The following LTV1 variants were observed in gnomAD, a reference collection of about 807,000 sequenced individuals.
The protein encoded by LTV1 is protein LTV1 homolog.
A neutral mutation model predicts 59.9 loss-of-function variants in LTV1; 39 were observed. The observed-to-expected ratio is 0.65, with a 90% CI of 0.50 to 0.85. The LOEUF is 0.85. Ranked by LOEUF, LTV1 falls within the 40% of genes least tolerant of loss-of-function variation. The pLI is 0.00. For missense variants in LTV1, 493 were observed against 549.1 expected, an observed-to-expected ratio of 0.90 and a Z score of 1.02; for synonymous variants, 171 against 189.5, an observed-to-expected ratio of 0.90 and a Z score of 0.80.
chr6:143,860,371 A>C, intron 6 of LTV1, 55 bp from the exon 7 acceptor site: 1 of 1,536,874 alleles, frequency 6.5e-7, no homozygotes, highest in East Asian at 2.3e-5. Flanking sequence ...TTAAGTGTGT[A>C]GTCTTACTGA....
At chr6:143,854,806 A>C (rs950877417) in intron 4 of LTV1, among the ~76,000 whole-genome samples, 57 of 152,174 alleles carry the variant, frequency 3.7e-4, no homozygotes, top group African/African-American at 1.4e-3. Context: ...GTGTGGTCTG[A>C]GAGACTGTTT....
intron 3 of LTV1, among the ~76,000 whole-genome samples, chr6:143,847,701 AAGC>A (rs1776916430): frequency 6.6e-6 from 1 of 152,180 alleles, no homozygotes; most frequent in Admixed American, 6.5e-5. Context: ...TTTTGAGTAA[AAGC>A]AATCACTAAT....
At chr6:143,850,943 G>A (rs1339571316) in intron 4 of LTV1, among the ~76,000 whole-genome samples, 1 of 151,998 alleles carries the variant, frequency 6.6e-6, no homozygotes, top group East Asian at 1.9e-4. Context: ...ACCAAACCCA[G>A]CATCACAGGG....
intron 7 of LTV1, among the ~76,000 whole-genome samples, chr6:143,861,141 C>G (rs1311858198): frequency 6.6e-6 from 1 of 152,164 alleles, no homozygotes; most frequent in East Asian, 1.9e-4. Context: ...ATGTAATATG[C>G]CTGCCTCGGT....
rs768774063 is a variant in LTV1 at position 143,860,565 on chromosome 6, T to C, written c.923+12T>C. ...GAGAAGGCAGAGAAGTATAGTGACT[T>C]TTCCTTCCTTGTTTAGCTGTTCTTT... is the stretch of plus-strand genomic sequence containing the variant. On this transcript the variant is annotated intron_variant, in intron 7 of 10. Transcript: ENST00000367576. The C allele has an allele frequency of 6.3e-7, 1 of 1,592,834 alleles. No individual in the cohort carries two copies. The highest frequency in any genetic ancestry group is 2.2e-5 in the East Asian group (1 of 44,578).
chr6:143,847,703 G>T (rs1776916462), intron 3 of LTV1, among the ~76,000 whole-genome samples: 1 of 152,196 alleles, frequency 6.6e-6, no homozygotes, highest in Non-Finnish European at 1.5e-5. Context: ...TTGAGTAAAA[G>T]CAATCACTAA....
At chr6:143,854,493 G>T (rs62427456) in intron 4 of LTV1, among the ~76,000 whole-genome samples, 1 of 151,934 alleles carries the variant, frequency 6.6e-6, no homozygotes. Flanking sequence ...TCTAGGTTTT[G>T]AATTTGTTTG....
Position 143,860,441 on chromosome 6 carries a change from G to A in LTV1, c.811G>A (p.Asp271Asn), listed in dbSNP as rs757304900. ...TATATTCAAGTTTTATGAGCAATATGATGATGATGAAATTGGAGCTCTGGA... is the reference window on the plus strand; with the variant it reads ...TATATTCAAGTTTTATGAGCAATATAATGATGATGAAATTGGAGCTCTGGA... ...ERFEKFYEQY[D>N]DDEIGALDNA... is the part of the protein sequence containing the mutation. The change falls in exon 7 of 11, where the codon GAT becomes AAT. Residue 271 changes from aspartate to asparagine, a missense_variant. Asp to Asn is a conservative substitution (Grantham distance 23). Transcript: ENST00000367576. The A allele has an allele frequency of 1.2e-6, 2 of 1,611,442 alleles. No individual in the cohort carries two copies. Among genetic ancestry groups the A allele is most frequent in the Non-Finnish European group, 1.7e-6 (2 of 1,178,326 alleles).
At chr6:143,858,570 C>G (rs759116384) in intron 6 of LTV1, 2 of 154,492 alleles carry the variant, frequency 1.3e-5, no homozygotes, top group Non-Finnish European at 2.9e-5. Flanking sequence ...AAAATGGTGT[C>G]TTGGCATGTA....
Position 143,857,442 on chromosome 6 carries a change from A to G in LTV1, c.537A>G (p.Ile179Met), listed in dbSNP as rs765911832. Residue 179 changes from isoleucine (I) to methionine (M), a missense_variant and splice_region_variant, in exon 5 of 11, where the codon ATA (isoleucine) becomes ATG (methionine). By Grantham distance (10) the Ile-to-Met change is conservative. Coordinates refer to ENST00000367576, the MANE Select transcript of LTV1 (RefSeq NM_032860.5). The surrounding 1 kb of genome is among the most constrained non-coding windows in gnomAD (Gnocchi z 5.2). Reference protein sequence around the residue: ...KATGEEEGMDIQKSENEDDSE... With the variant: ...KATGEEEGMDMQKSENEDDSE... Reference sequence around the variant, plus strand: ...CAGGAGAGGAAGAGGGAATGGATATACAGTATGTGTGGTTTGTTTCAAAGC... The same window carrying G: ...CAGGAGAGGAAGAGGGAATGGATATGCAGTATGTGTGGTTTGTTTCAAAGC... The G allele has an allele frequency of 6.3e-5, 102 of 1,613,052 alleles. 1 individual carries two copies. The highest frequency in any genetic ancestry group is 8.7e-5 in the Non-Finnish European group (102 of 1,179,178).
Position 143,862,130 on chromosome 6 carries a change from C to T in LTV1, c.950C>T (p.Pro317Leu), listed in dbSNP as rs1284205619. 2 of 1,613,932 alleles carry T rather than the reference C, an allele frequency of 1.2e-6. No homozygotes were observed. Among genetic ancestry groups the T allele is most frequent in the East Asian group, 2.2e-5 (1 of 44,866 alleles). The change falls in exon 8 of 11, where the codon CCC becomes CTC. Residue 317 changes from proline (P) to leucine (L), a missense_variant. Physicochemically the swap from Pro to Leu is moderately conservative, Grantham distance 98. Coordinates refer to ENST00000367576, the MANE Select transcript of LTV1 (RefSeq NM_032860.5). This position sits in a 1 kb window ranked among gnomAD's most constrained non-coding sequence, Gnocchi z 4.2. The stretch of plus-strand genomic sequence containing the variant: ...TGTGTAAAATTGAATACCCTTGAAC[C>T]CTTGGAGGATCAAGACCTGCCAATG... ...ENCVKLNTLE[P>L]LEDQDLPMNE...
intron 4 of LTV1, among the ~76,000 whole-genome samples, chr6:143,853,620 C>G (rs1777023439): frequency 1.3e-5 from 2 of 151,876 alleles, no homozygotes; most frequent in Admixed American, 6.6e-5. Context: ...ATAAATAGCT[C>G]TTATTATTTT....
Position 143,863,409 on chromosome 6 carries a change from TATAAC to T in LTV1, c.1318-6_1318-2del, listed in dbSNP as rs1325534385. On this transcript the variant is annotated splice_region_variant and splice_polypyrimidine_tract_variant and intron_variant, in intron 10 of 10. Transcript: ENST00000367576. This position sits in a 1 kb window ranked among gnomAD's most constrained non-coding sequence, Gnocchi z 4.5. ...AATAATACAAGTATATTCTTGTACT[TATAAC>T]AGGAACGAAGAGTGGAGAAGAAAGC... 10 of 1,609,100 alleles carry T rather than the reference TATAAC, an allele frequency of 6.2e-6. No homozygotes were observed. The highest frequency in any genetic ancestry group is 1.3e-5 in the African/African-American group (1 of 74,728).
chr6:143,845,203 G>T (rs893034814), intron 2 of LTV1, among the ~76,000 whole-genome samples: 78 of 152,084 alleles, frequency 5.1e-4, no homozygotes, highest in African/African-American at 1.9e-3. Flanking sequence ...TTGACTTAAT[G>T]TTAGACTCTA....
intron 3 of LTV1, among the ~76,000 whole-genome samples, chr6:143,849,816 T>G (rs1208259797): frequency 6.6e-6 from 1 of 152,166 alleles, no homozygotes; most frequent in Non-Finnish European, 1.5e-5. Context: ...GGAGAGGCTG[T>G]TGAATGGCTC....
Position 143,843,493 on chromosome 6 carries a change from TG to T in LTV1, c.3+14del. 1 of 1,613,542 alleles carries T rather than the reference TG, an allele frequency of 6.2e-7. No individual in the cohort carries two copies. The highest frequency in any genetic ancestry group is 8.5e-7 in the Non-Finnish European group (1 of 1,179,904). On this transcript the variant is annotated intron_variant, in intron 1 of 10. Coordinates refer to ENST00000367576, the MANE Select transcript of LTV1 (RefSeq NM_032860.5). ...CGGCTGCAGCATGGTGAGCAAGCCTTGCTTGTTTCGGCGGCCGAGCGCTGTG... is the reference window on the plus strand; with the variant it reads ...CGGCTGCAGCATGGTGAGCAAGCCTTCTTGTTTCGGCGGCCGAGCGCTGTG...
intron 4 of LTV1, among the ~76,000 whole-genome samples, chr6:143,853,877 A>G (rs1777030446): frequency 6.6e-6 from 1 of 152,206 alleles, no homozygotes; most frequent in Non-Finnish European, 1.5e-5. Context: ...CGATTTTCGC[A>G]TTGATGTTCA....
In LTV1 at chr6:143,863,369, C is replaced by T. The variant is rs1388164887; in HGVS notation, c.1318-48C>T. ...GGAATTTTGTAAAAGCAGTCTGTAT[C>T]AGTTTAAAGATGTGAATAATACAAG... On this transcript the variant is annotated intron_variant, in intron 10 of 10. Transcript: ENST00000367576. The surrounding 1 kb of genome is among the most constrained non-coding windows in gnomAD (Gnocchi z 4.5). The T allele has an allele frequency of 6.3e-7, 1 of 1,591,986 alleles. No homozygotes were observed. Among genetic ancestry groups the T allele is most frequent in the Admixed American group, 1.7e-5 (1 of 59,236 alleles).
chr6:143,844,436 C>T (rs753095457), intron 1 of LTV1, 50 bp from the exon 2 acceptor site: 17 of 1,594,096 alleles, frequency 1.1e-5, no homozygotes, highest in East Asian at 6.7e-5. Context: ...AATTATTCTC[C>T]GTCTTTTTGT....
Sources: allele counts gnomAD v4.1 joint callset (sites outside exome capture counted in the v4.1 genomes callset), GRCh38; gene constraint gnomAD v4.1.1; non-coding constraint Gnocchi (gnomAD v3.1); transcripts MANE v1.5; gene names NCBI Gene and HGNC (gene_info 2026-07-23, HGNC 2026-07-21).